CENPW: variants seen among roughly 807,000 people sequenced by gnomAD.
CENPW encodes the protein cancer-up-regulated gene 2 protein.
Under a neutral mutation model 11.1 loss-of-function variants are expected in CENPW, and 3 were observed. The observed-to-expected ratio is 0.27, with a 90% CI of 0.12 to 0.70. CENPW has a LOEUF of 0.70. CENPW is among the 30% of genes least tolerant of loss of function. CENPW has a pLI of 0.77. For synonymous variants in CENPW, 38 were observed against 42.0 expected (o/e 0.91, Z 0.37); for missense variants, 100 against 105.6 (o/e 0.95, Z 0.23).
At chr6:126,414,974 CA>C in the CENPW span, among the ~76,000 whole-genome samples, 1 of 151,786 alleles carries the variant, frequency 6.6e-6, no homozygotes, top group Non-Finnish European at 1.5e-5. Context: ...AACCATACAA[CA>C]AAATGGAAAA....
chr6:126,377,523 GCAGTGTTACTAAACT>G, the CENPW span, among the ~76,000 whole-genome samples: 3 of 152,266 alleles, frequency 2.0e-5, no homozygotes, highest in East Asian at 1.9e-4. Flanking sequence ...AACAGTTTCT[GCAGTGTTACTAAACT>G]CAGATTGCAG....
At chr6:126,481,595 T>G in the CENPW span, among the ~76,000 whole-genome samples, 1 of 152,068 alleles carries the variant, frequency 6.6e-6, no homozygotes, top group Non-Finnish European at 1.5e-5. Context: ...CCCACAATAA[T>G]GGCCTTAATG....
chr6:126,457,457 G>A, the CENPW span, among the ~76,000 whole-genome samples: 1 of 151,254 alleles, frequency 6.6e-6, no homozygotes, highest in African/African-American at 2.4e-5. Flanking sequence ...AACTAACGCG[G>A]GAGCAGAAAA....
At chr6:126,438,040 A>G in the CENPW span, among the ~76,000 whole-genome samples, 1 of 151,588 alleles carries the variant, frequency 6.6e-6, no homozygotes, top group East Asian at 1.9e-4. Context: ...TTCTTCCAAC[A>G]GAGAGACCTT....
the CENPW span, among the ~76,000 whole-genome samples, chr6:126,422,631 T>C: frequency 1.3e-5 from 2 of 152,230 alleles, no homozygotes; most frequent in African/African-American, 4.8e-5. Context: ...GCAAAAGATA[T>C]TTGAAATCTT....
the CENPW span, among the ~76,000 whole-genome samples, chr6:126,398,392 T>A: frequency 1.3e-5 from 2 of 152,146 alleles, no homozygotes; most frequent in African/African-American, 2.4e-5. Flanking sequence ...CTGAATTAAA[T>A]ACAGTCCTCC....
At chr6:126,395,957 C>T in the CENPW span, among the ~76,000 whole-genome samples, 1 of 152,274 alleles carries the variant, frequency 6.6e-6, no homozygotes, top group African/African-American at 2.4e-5. Context: ...CTGTGGCCAC[C>T]ACCACTGGGA....
chr6:126,477,315 A>C, the CENPW span, among the ~76,000 whole-genome samples: 15 of 152,084 alleles, frequency 9.9e-5, no homozygotes, highest in South Asian at 3.1e-3. Context: ...ATAACATGGC[A>C]GAACTGTAAA....
chr6:126,473,751 G>A, the CENPW span, among the ~76,000 whole-genome samples: 1 of 147,290 alleles, frequency 6.8e-6, no homozygotes, highest in Non-Finnish European at 1.5e-5. Context: ...TCTCTCTCTA[G>A]CATATATATA....
At chr6:126,413,023 A>G in the CENPW span, among the ~76,000 whole-genome samples, 165 of 152,182 alleles carry the variant, frequency 1.1e-3, no homozygotes, top group African/African-American at 3.8e-3. Flanking sequence ...CATTTTCCAG[A>G]AGCTTTAAAT....
chr6:126,408,511 A>G, the CENPW span, among the ~76,000 whole-genome samples: 4 of 152,116 alleles, frequency 2.6e-5, no homozygotes, highest in African/African-American at 9.7e-5. Flanking sequence ...GACACTTGGG[A>G]ATTATGGGAG....
chr6:126,427,868 A>G, the CENPW span, among the ~76,000 whole-genome samples: 1 of 152,178 alleles, frequency 6.6e-6, no homozygotes, highest in Non-Finnish European at 1.5e-5. Context: ...TTTAAAACCT[A>G]TGTTTGTTTT....
At chr6:126,426,948 A>G in the CENPW span, among the ~76,000 whole-genome samples, 1 of 152,170 alleles carries the variant, frequency 6.6e-6, no homozygotes, top group African/African-American at 2.4e-5. Flanking sequence ...AGCTGTTCTG[A>G]AAAACAGTAG....
the CENPW span, among the ~76,000 whole-genome samples, chr6:126,393,576 T>C: frequency 6.6e-5 from 10 of 151,606 alleles, no homozygotes; most frequent in African/African-American, 2.2e-4. Context: ...ATTACCATTT[T>C]TTTATGTTGT....
At chr6:126,468,842 C>T in the CENPW span, among the ~76,000 whole-genome samples, 2 of 152,206 alleles carry the variant, frequency 1.3e-5, no homozygotes, top group South Asian at 4.1e-4. Context: ...GAGTCTCTGT[C>T]ACCTAGGCTG....
At chr6:126,381,148 T>A in the CENPW span, among the ~76,000 whole-genome samples, 1 of 152,244 alleles carries the variant, frequency 6.6e-6, no homozygotes, top group African/African-American at 2.4e-5. Context: ...GTTGCTGTAG[T>A]CCCTCAGTGG....
chr6:126,342,778 G>C (rs942910075), intron 1 of CENPW, among the ~76,000 whole-genome samples: 1 of 151,922 alleles, frequency 6.6e-6, no homozygotes, highest in East Asian at 1.9e-4. Context: ...GGAAATTTTT[G>C]TATTCCTGGT....
chr6:126,354,360 T>C, the CENPW span, among the ~76,000 whole-genome samples: 1 of 152,142 alleles, frequency 6.6e-6, no homozygotes, highest in Non-Finnish European at 1.5e-5. Flanking sequence ...TCTTCTGGCA[T>C]GTACCGAACA....
the CENPW span, among the ~76,000 whole-genome samples, chr6:126,425,879 G>T: frequency 6.6e-6 from 1 of 151,508 alleles, no homozygotes; most frequent in Non-Finnish European, 1.5e-5. Flanking sequence ...AGGGCCTTAG[G>T]ATACTTTTTT....
Sources: gnomAD v4.1 joint callset for allele counts (sites outside exome capture counted in the v4.1 genomes callset) on GRCh38, gnomAD v4.1.1 for gene constraint, MANE v1.5 for transcripts, NCBI Gene and HGNC (gene_info 2026-07-23, HGNC 2026-07-21) for gene names.